The following CSDE1 variants were observed in gnomAD, a reference collection of about 807,000 sequenced individuals.
The protein encoded by CSDE1 is cold shock domain-containing protein E1.
CSDE1 carries 17 observed loss-of-function variants against 89.3 expected under a neutral mutation model. That is an observed-to-expected ratio of 0.19 (90% confidence interval 0.13 to 0.29). The LOEUF is 0.29. Ranked by LOEUF, CSDE1 falls within the 10% of genes least tolerant of loss-of-function variation. The probability of loss-of-function intolerance (pLI) is 1.00; values close to 1 mark genes in which losing one functional copy is unlikely to be tolerated. For missense variants in CSDE1, 672 were observed against 984.2 expected (o/e 0.68, Z 4.24); for synonymous variants, 322 against 332.8 (o/e 0.97, Z 0.35).
chr1:114,752,527 T>C (rs1425543656), intron 1 of CSDE1, among the ~76,000 whole-genome samples: 3 of 152,194 alleles, frequency 2.0e-5, no homozygotes, highest in Non-Finnish European at 4.4e-5. Context: ...GAACTACTAT[T>C]CCAGGTGTCT....
chr1:114,716,939 C>G lies in CSDE1; in HGVS notation c.*1230G>C, dbSNP rs1256952564. Reference sequence around the variant, plus strand: ...GCTAGTGTCTCAAAAATCAGTAAAACTTTATTCGCTTCCATTCTTTCGCCA... The same window carrying G: ...GCTAGTGTCTCAAAAATCAGTAAAAGTTTATTCGCTTCCATTCTTTCGCCA... On this transcript the variant is annotated 3_prime_UTR_variant, in exon 20 of 20. Transcript: ENST00000358528. The G allele has an allele frequency of 6.6e-6, 1 of 152,644 alleles. No individual in the cohort carries two copies. Among genetic ancestry groups the G allele is most frequent in the Admixed American group, 6.5e-5 (1 of 15,282 alleles). 9.5% of individuals were successfully genotyped at this position (152,644 alleles called of 1,614,324 possible).
At chr1:114,731,358 G>A (rs1486412450) in intron 10 of CSDE1, among the ~76,000 whole-genome samples, 3 of 146,406 alleles carry the variant, frequency 2.0e-5, no homozygotes, top group Admixed American at 6.8e-5. Flanking sequence ...TTTCCATACC[G>A]TAAAGCAAAA....
intron 2 of CSDE1, among the ~76,000 whole-genome samples, chr1:114,742,325 T>C (rs920457755): frequency 1.3e-5 from 2 of 152,214 alleles, no homozygotes; most frequent in African/African-American, 4.8e-5. Flanking sequence ...ATGCAGTGGC[T>C]CACACCTGTA....
At chr1:114,719,017 T>TA (rs1025901098) in intron 18 of CSDE1, 24 of 372,032 alleles carry the variant, frequency 6.5e-5, no homozygotes, top group African/African-American at 4.2e-4. Flanking sequence ...CACAGATGCA[T>TA]AAAAAAACAA....
intron 18 of CSDE1, chr1:114,719,032 G>C (rs1659360571): frequency 2.9e-6 from 1 of 342,636 alleles, no homozygotes; most frequent in Non-Finnish European, 5.4e-6. Flanking sequence ...AAACAAGGTA[G>C]CAGATGTGGT....
At chr1:114,725,370 C>T (rs767265982) in intron 14 of CSDE1, 37 bp from the exon 15 acceptor site, 1 of 1,466,984 alleles carries the variant, frequency 6.8e-7, no homozygotes, top group South Asian at 1.1e-5. Flanking sequence ...CTAAACATTA[C>T]CATAAACATC....
At position 114,732,771 on chromosome 1, in the gene CSDE1, T is replaced by C. The variant is rs1454492029; in HGVS notation, c.883A>G (p.Lys295Glu). 5 of 1,614,222 alleles carry C rather than the reference T, an allele frequency of 3.1e-6. No homozygotes were observed. The highest frequency in any genetic ancestry group is 4.2e-6 in the Non-Finnish European group (5 of 1,180,036). The change falls in exon 10 of 20, where the codon AAA becomes GAA. Residue 295 changes from lysine to glutamate, a missense_variant. By Grantham distance (56) the Lys-to-Glu change is moderately conservative. Coordinates refer to ENST00000358528, the MANE Select transcript of CSDE1 (RefSeq NM_001007553.3). The stretch of plus-strand genomic sequence containing the variant: ...TCTTTGTCTCCAAAGGGAAGTTCTT[T>C]AGGGATCACAAAGTCAACTTTGATG... ...GRIKVDFVIP[K>E]ELPFGDKDTK...
At position 114,723,938 on chromosome 1, in the gene CSDE1, C is replaced by T. The variant is rs13990; in HGVS notation, c.1818G>A (p.Arg606=). 4.3e-4 allele frequency: 693 copies of T among 1,613,930 alleles called. 1 individual carries two copies. Among genetic ancestry groups the T allele is most frequent in the Non-Finnish European group, 5.1e-4 (598 of 1,179,932 alleles). ...IYSGKVIRPL[R]SVDPTQTEYQ... is the part of the protein sequence containing the mutation. ...ACTCAGTCTGTGTTGGATCAACACT[C>T]CTCAGGGGGCGAATTACTTTGCCAG... Residue 606 remains arginine (R), a synonymous_variant, in exon 16 of 20, where the codon AGG becomes AGA. Coordinates refer to ENST00000358528, the MANE Select transcript of CSDE1 (RefSeq NM_001007553.3).
In CSDE1 at chr1:114,720,572, C is replaced by T. The variant is rs1346273586; in HGVS notation, c.2019G>A (p.Leu673=). ...AQTMAYNITP[L]RRATVECVKD... Reference sequence around the variant, plus strand: ...TCACACATTCCACTGTGGCCCTGCGCAGGGGTGTGATGTTGTAAGCCATAG... The same window carrying T: ...TCACACATTCCACTGTGGCCCTGCGTAGGGGTGTGATGTTGTAAGCCATAG... Residue 673 remains leucine (L), a synonymous_variant, in exon 17 of 20, where the codon CTG becomes CTA. Coordinates refer to ENST00000358528, the MANE Select transcript of CSDE1 (RefSeq NM_001007553.3). 6 of 1,613,970 alleles carry T rather than the reference C, an allele frequency of 3.7e-6. No homozygotes were observed. In the African/African-American group the frequency reaches 6.7e-5, roughly 18 times the overall value.
chr1:114,737,813 G>C (rs897094675), intron 4 of CSDE1, 150 bp downstream of exon 4: 1 of 660,822 alleles, frequency 1.5e-6, no homozygotes, highest in Admixed American at 2.9e-5. Context: ...AGAAATGCCA[G>C]TGCTTTTGAT....
chr1:114,733,675 C>A, intron 9 of CSDE1, 57 bp downstream of exon 9: 1 of 1,480,460 alleles, frequency 6.8e-7, no homozygotes, highest in Admixed American at 1.8e-5. Flanking sequence ...TATACCACAC[C>A]ATATTATTCT....
In CSDE1 at chr1:114,728,791, T is replaced by C. The variant is rs931382168; in HGVS notation, c.1356+1467A>G. 2.0e-5 allele frequency among the ~76,000 whole-genome samples: 3 copies of C among 152,306 alleles called. No individual in the cohort carries two copies. In the East Asian group the frequency reaches 5.8e-4, roughly 29 times the overall value. On this transcript the variant is annotated intron_variant, in intron 12 of 19. Transcript: ENST00000358528. ...AAATTTAAAAACTGAAGCTCAGAGG[T>C]GAAATAATTTCCCAAGCTACAGTAA...
At chr1:114,751,020 T>C (rs1031038753) in intron 1 of CSDE1, among the ~76,000 whole-genome samples, 1 of 152,190 alleles carries the variant, frequency 6.6e-6, no homozygotes, top group Admixed American at 6.5e-5. Flanking sequence ...TGAAATAGGA[T>C]ATGTAGTGTG....
intron 10 of CSDE1, among the ~76,000 whole-genome samples, chr1:114,731,586 G>A (rs1660103205): frequency 6.6e-6 from 1 of 151,940 alleles, no homozygotes; most frequent in Admixed American, 6.6e-5. Context: ...GTAACTAAAT[G>A]CAAATTATGT....
chr1:114,723,988 C>G lies in CSDE1; in HGVS notation c.1768G>C (p.Glu590Gln), dbSNP rs758268540. The G allele has an allele frequency of 1.9e-6, 3 of 1,613,658 alleles. No individual in the cohort carries two copies. Among genetic ancestry groups the G allele is most frequent in the Non-Finnish European group, 2.5e-6 (3 of 1,179,750 alleles). Residue 590 changes from glutamate to glutamine, a missense_variant, in exon 16 of 20, where the codon GAG (glutamate) becomes CAG (glutamine). Glu to Gln is a conservative substitution (Grantham distance 29, BLOSUM62 2). This residue lies in a region of CSDE1 where 206 missense variants were observed against 332.4 expected (regional missense o/e 0.62). Coordinates refer to ENST00000358528, the MANE Select transcript of CSDE1 (RefSeq NM_001007553.3). ...GAGTAAATGGTGGGATCAGCTTCCTCAGTAATGCCATTCACTACAAAACAA... is the reference window on the plus strand; with the variant it reads ...GAGTAAATGGTGGGATCAGCTTCCTGAGTAATGCCATTCACTACAAAACAA... ...NKTHSVNGIT[E>Q]EADPTIYSGK... is the part of the protein sequence containing the mutation.
chr1:114,742,208 T>TCA (rs1660766498), intron 2 of CSDE1, among the ~76,000 whole-genome samples: 1 of 152,144 alleles, frequency 6.6e-6, no homozygotes. Flanking sequence ...AGTGAAGTCC[T>TCA]CACTCATTTG....
At position 114,728,162 on chromosome 1, in the gene CSDE1, C is replaced by T. The variant is rs551397728; in HGVS notation, c.1357-1072G>A. Among the ~76,000 whole-genome samples the T allele has an allele frequency of 4.6e-5, 7 of 152,264 alleles. No individual in the cohort carries two copies. The East Asian group carries it at 1.2e-3, about 25-fold the overall frequency. On this transcript the variant is annotated intron_variant, in intron 12 of 19. Transcript: ENST00000358528. ...CATCTCCATAGTTTCTCTTTTCCCT[C>T]ATTTTACAAATTGGGGAAATCTGAG...
chr1:114,718,606 C>T lies in CSDE1; in HGVS notation c.2349+7G>A. On this transcript the variant is annotated splice_region_variant and intron_variant, in intron 19 of 19. Coordinates refer to ENST00000358528, the MANE Select transcript of CSDE1 (RefSeq NM_001007553.3). The stretch of plus-strand genomic sequence containing the variant: ...TGGCCTCCCCCAAGCCTTGTATGCC[C>T]TCATACCATTGAGTTATCTGGTCCC... The T allele has an allele frequency of 1.2e-6, 2 of 1,613,630 alleles. No individual in the cohort carries two copies. Among genetic ancestry groups the T allele is most frequent in the Non-Finnish European group, 1.7e-6 (2 of 1,179,758 alleles).
At chr1:114,748,465 G>A (rs1661132132) in intron 2 of CSDE1, 1 of 152,166 alleles carries the variant, frequency 6.6e-6, no homozygotes, top group Non-Finnish European at 1.5e-5. Flanking sequence ...TACCCTCAAA[G>A]TTAACCACTG....
Sources: gnomAD v4.1 joint callset for allele counts (sites outside exome capture counted in the v4.1 genomes callset) on GRCh38, gnomAD v4.1.1 for gene constraint, gnomAD v4.1.1 regional missense constraint, MANE v1.5 for transcripts, NCBI Gene and HGNC (gene_info 2026-07-23, HGNC 2026-07-21) for gene names.